MCF2L2: variants seen among roughly 807,000 people sequenced by gnomAD.
MCF2L2 encodes probable guanine nucleotide exchange factor MCF2L2.
In MCF2L2, 102 loss-of-function variants were observed where a neutral mutation model predicts 150.2. The ratio of observed to expected loss-of-function variants is 0.68; its 90% CI spans 0.58 to 0.80. MCF2L2 has a LOEUF of 0.80. Ranked by LOEUF, MCF2L2 falls within the 30% of genes least tolerant of loss-of-function variation. The pLI is 0.00. For missense variants in MCF2L2, 1,256 were observed against 1,372.8 expected, an observed-to-expected ratio of 0.91 and a Z score of 1.34; for synonymous variants, 465 against 491.3, an observed-to-expected ratio of 0.95 and a Z score of 0.71.
At position 183,181,912 on chromosome 3, in the gene MCF2L2, C is replaced by T. The variant is rs138643797; in HGVS notation, c.3017-1753G>A. ...AAAACCTGACAAGCTCTAGCCCCTC[C>T]GCAGGGTAAGTGGTACCTCCAGGTA... On this transcript the variant is annotated intron_variant, in intron 27 of 29. Coordinates refer to ENST00000328913, the MANE Select transcript of MCF2L2 (RefSeq NM_015078.4). The surrounding 1 kb of genome is among the most constrained non-coding windows in gnomAD (Gnocchi z 4.3). 1.8e-4 allele frequency among the ~76,000 whole-genome samples: 27 copies of T among 152,270 alleles called. No homozygotes were observed. Among genetic ancestry groups the T allele is most frequent in the Non-Finnish European group, 3.2e-4 (22 of 68,000 alleles).
chr3:183,416,491 TCAACTTA>T (rs1715595559), intron 1 of MCF2L2, among the ~76,000 whole-genome samples: 1 of 152,186 alleles, frequency 6.6e-6, no homozygotes, highest in African/African-American at 2.4e-5. Context: ...CAGACATTCC[TCAACTTA>T]CAATGGGGTT....
At chr3:183,240,172 C>G (rs1478486260) in intron 15 of MCF2L2, among the ~76,000 whole-genome samples, 1 of 152,246 alleles carries the variant, frequency 6.6e-6, no homozygotes, top group Non-Finnish European at 1.5e-5. Context: ...CTCATAGAAT[C>G]TCATCCTTCT....
intron 17 of MCF2L2, among the ~76,000 whole-genome samples, 166 bp downstream of exon 17, chr3:183,229,500 C>T (rs1723469188): frequency 6.6e-6 from 1 of 152,164 alleles, no homozygotes; most frequent in Admixed American, 6.5e-5. Context: ...TCCTGTGGGG[C>T]TTCTCCCCTC....
chr3:183,214,909 C>T (rs1186743179), intron 22 of MCF2L2, among the ~76,000 whole-genome samples: 2 of 151,982 alleles, frequency 1.3e-5, no homozygotes, highest in African/African-American at 4.8e-5. Flanking sequence ...ACAGGAGAAT[C>T]GCTTGAACCT....
intron 15 of MCF2L2, chr3:183,269,986 C>T (rs752364337): frequency 6.2e-7 from 1 of 1,614,096 alleles, no homozygotes; most frequent in Non-Finnish European, 8.5e-7. Flanking sequence ...GATACCCTGT[C>T]TCTTAAGCAC....
chr3:183,261,508 A>T (rs1382912820), intron 15 of MCF2L2, among the ~76,000 whole-genome samples: 1 of 152,120 alleles, frequency 6.6e-6, no homozygotes, highest in African/African-American at 2.4e-5. Flanking sequence ...TATAAAGGAA[A>T]TTTTTTTAAA....
rs1721387541 is a variant in MCF2L2 at position 183,178,402 on chromosome 3, G to GGA, written c.*977_*978insTC. 1.3e-5 allele frequency: 2 copies of GGA among 151,756 alleles called. No homozygotes were observed. The highest frequency in any genetic ancestry group is 2.9e-5 in the Non-Finnish European group (2 of 67,950). The allele number at this position is 151,756 out of a possible 1,614,324, so 9.4% of individuals were successfully genotyped here. ...GGAGAATGGCGTGAACCCGGGAGGC[G>GGA]GTTTGCAGTGAGCCGAGATCACACC... On this transcript the variant is annotated 3_prime_UTR_variant, in exon 30 of 30. Transcript: ENST00000328913.
At chr3:183,366,304 G>A (rs746805204) in intron 3 of MCF2L2, among the ~76,000 whole-genome samples, 5 of 152,056 alleles carry the variant, frequency 3.3e-5, no homozygotes, top group Admixed American at 2.0e-4. Context: ...GATCAAATAC[G>A]AGGACAAATA....
chr3:183,254,671 T>G (rs916181617), intron 15 of MCF2L2: 1 of 152,180 alleles, frequency 6.6e-6, no homozygotes, highest in East Asian at 1.9e-4. Context: ...GCCCCAGGCT[T>G]GCGGCCACCC....
chr3:183,268,863 A>C (rs1448035539), intron 15 of MCF2L2, among the ~76,000 whole-genome samples: 1 of 152,184 alleles, frequency 6.6e-6, no homozygotes, highest in Non-Finnish European at 1.5e-5. Flanking sequence ...CCAGTTTAGA[A>C]CATGTTACAT....
chr3:183,327,144 G>A (rs1030405246), intron 5 of MCF2L2, among the ~76,000 whole-genome samples: 2 of 152,002 alleles, frequency 1.3e-5, no homozygotes, highest in African/African-American at 2.4e-5. Flanking sequence ...GACCAACATG[G>A]TGAAACCCTG....
At chr3:183,321,572 G>A (rs1432211034) in intron 6 of MCF2L2, among the ~76,000 whole-genome samples, 1 of 152,120 alleles carries the variant, frequency 6.6e-6, no homozygotes, top group Non-Finnish European at 1.5e-5. Context: ...AAATGGTGCT[G>A]ATAGACTTGT....
intron 3 of MCF2L2, among the ~76,000 whole-genome samples, chr3:183,366,116 A>G (rs990248196): frequency 6.6e-6 from 1 of 152,158 alleles, no homozygotes; most frequent in Non-Finnish European, 1.5e-5. Flanking sequence ...AAGGCCCAGG[A>G]GAAAGAAGGA....
chr3:183,399,754 T>G (rs1456194375), intron 1 of MCF2L2, among the ~76,000 whole-genome samples: 1 of 152,208 alleles, frequency 6.6e-6, no homozygotes, highest in Non-Finnish European at 1.5e-5. Flanking sequence ...ATAGAAATAT[T>G]GAAATGGTAA....
intron 3 of MCF2L2, among the ~76,000 whole-genome samples, chr3:183,353,379 C>T (rs1490652615): frequency 2.0e-5 from 3 of 152,224 alleles, no homozygotes; most frequent in African/African-American, 7.2e-5. Flanking sequence ...CCACCCAGTT[C>T]CACCAGACAC....
At chr3:183,290,525 ATTTCTTTC>A (rs1190075201) in intron 13 of MCF2L2, among the ~76,000 whole-genome samples, 17 of 151,172 alleles carry the variant, frequency 1.1e-4, no homozygotes, top group Non-Finnish European at 2.1e-4. Context: ...GGATTTGAGC[ATTTCTTTC>A]TTTCTTTCTT....
At chr3:183,307,382 G>A (rs1002485149) in intron 10 of MCF2L2, among the ~76,000 whole-genome samples, 2 of 152,334 alleles carry the variant, frequency 1.3e-5, no homozygotes, top group South Asian at 4.1e-4. Context: ...TCTCAGTTAC[G>A]ATGAGACAGC....
intron 25 of MCF2L2, among the ~76,000 whole-genome samples, chr3:183,200,607 C>T (rs1320435645): frequency 3.9e-5 from 6 of 152,092 alleles, no homozygotes; most frequent in South Asian, 4.1e-4. Context: ...TCTTTTGCTG[C>T]GCAGAAACTC....
chr3:183,348,934 C>T (rs967287318), intron 3 of MCF2L2, among the ~76,000 whole-genome samples: 4 of 152,190 alleles, frequency 2.6e-5, no homozygotes, highest in Non-Finnish European at 5.9e-5. Context: ...TAGTATTCCT[C>T]TCTCAGTAAT....
Sources: gnomAD v4.1 joint callset for allele counts (sites outside exome capture counted in the v4.1 genomes callset) on GRCh38, gnomAD v4.1.1 for gene constraint, Gnocchi (gnomAD v3.1) non-coding constraint, MANE v1.5 for transcripts, NCBI Gene and HGNC (gene_info 2026-07-23, HGNC 2026-07-21) for gene names.